Variants in RBL1 observed in about 807,000 individuals in gnomAD.
RBL1 encodes retinoblastoma-like protein 1.
In RBL1, 82 loss-of-function variants were observed where a neutral mutation model predicts 123.0. The observed-to-expected ratio is 0.67, with a 90% CI of 0.56 to 0.80. RBL1 has a LOEUF of 0.80. Among genes scored for constraint, RBL1 ranks in the 30% least tolerant of loss-of-function variants. RBL1 has a pLI of 0.00. For synonymous variants in RBL1, 405 were observed against 441.3 expected, an observed-to-expected ratio of 0.92 and a Z score of 1.03; for missense variants, 1,171 against 1,299.6, an observed-to-expected ratio of 0.90 and a Z score of 1.52.
chr20:37,064,424 T>C (rs2065146521), intron 7 of RBL1, among the ~76,000 whole-genome samples: 2 of 151,736 alleles, frequency 1.3e-5, no homozygotes, highest in Non-Finnish European at 2.9e-5. Flanking sequence ...GCATAAGCCA[T>C]TGCACGCCTG....
chr20:37,012,545 A>G (rs1430045932), intron 19 of RBL1, among the ~76,000 whole-genome samples: 98 of 88,086 alleles, frequency 1.1e-3, no homozygotes, highest in South Asian at 3.0e-3. Flanking sequence ...GAGCGCCTCT[A>G]CCCGGCCGCG....
In RBL1 at chr20:37,003,765, C is replaced by T. The variant is rs1318227101; in HGVS notation, c.2973G>A (p.Lys991=). ...QQHSIYISPH[K]NGSGLTPRSA... ...TTCTTGGTGTAAGGCCTGACCCATT[C>T]TTGTGCGGGGAAATATAAATGGAGT... Residue 991 remains lysine, a synonymous_variant, in exon 21 of 22, where the codon AAG becomes AAA. Transcript: ENST00000373664. 1.9e-6 allele frequency: 3 copies of T among 1,614,006 alleles called. No individual in the cohort carries two copies. The South Asian group carries it at 3.3e-5, about 18-fold the overall frequency.
chr20:37,000,263 T>C (rs1243562314), intron 21 of RBL1, among the ~76,000 whole-genome samples: 20 of 131,762 alleles, frequency 1.5e-4, no homozygotes, highest in South Asian at 7.6e-4. Flanking sequence ...CGGCAGCCAC[T>C]CCGTCTGGGA....
chr20:37,010,397 A>G (rs1020965418), intron 19 of RBL1, among the ~76,000 whole-genome samples: 7 of 152,222 alleles, frequency 4.6e-5, no homozygotes, highest in Non-Finnish European at 5.9e-5. Context: ...AATATTATAT[A>G]TATGCATATA....
intron 9 of RBL1, among the ~76,000 whole-genome samples, chr20:37,060,514 G>A (rs140567167): frequency 0.011 from 1,601 of 152,062 alleles, 24 homozygotes; most frequent in African/African-American, 0.037. Context: ...GCCTGGCATG[G>A]TCGCTCATGC....
intron 15 of RBL1, among the ~76,000 whole-genome samples, chr20:37,034,944 C>T (rs1050512029): frequency 6.6e-6 from 1 of 151,858 alleles, no homozygotes; most frequent in African/African-American, 2.4e-5. Flanking sequence ...GGTAATGTGT[C>T]AGTAATGTAG....
intron 19 of RBL1, among the ~76,000 whole-genome samples, chr20:37,013,269 C>G (rs6103212): frequency 1.3e-5 from 2 of 151,904 alleles, no homozygotes; most frequent in Admixed American, 6.6e-5. Context: ...CCTTGGGATC[C>G]TGTTGATCTG....
chr20:37,034,370 AAAAG>A (rs1248405604), intron 15 of RBL1, among the ~76,000 whole-genome samples: 5 of 152,102 alleles, frequency 3.3e-5, no homozygotes, highest in African/African-American at 9.7e-5. Flanking sequence ...TATTGGAAAA[AAAAG>A]CATTTTTTTT....
intron 11 of RBL1, among the ~76,000 whole-genome samples, chr20:37,051,572 A>C (rs764553957): frequency 2.6e-5 from 4 of 152,148 alleles, no homozygotes; most frequent in Non-Finnish European, 5.9e-5. Context: ...TTAAAAAGGG[A>C]CTTTAAGTGA....
At chr20:37,003,100 A>C (rs544501360) in intron 21 of RBL1, among the ~76,000 whole-genome samples, 14 of 152,306 alleles carry the variant, frequency 9.2e-5, no homozygotes, top group South Asian at 4.1e-4. Flanking sequence ...TAGGAAAGTA[A>C]TAAGAAGGAG....
chr20:37,068,297 C>A, intron 2 of RBL1, 111 bp from the exon 3 acceptor site: 1 of 1,404,640 alleles, frequency 7.1e-7, no homozygotes, highest in Non-Finnish European at 9.4e-7. Flanking sequence ...AGCCAGATTT[C>A]CCAGGCAACA....
In RBL1 at chr20:36,998,183, T is replaced by G. The variant is rs1385884279; in HGVS notation, c.*576A>C. 6.6e-6 allele frequency: 1 copy of G among 152,000 alleles called. No homozygotes were observed. Among genetic ancestry groups the G allele is most frequent in the Non-Finnish European group, 1.5e-5 (1 of 68,000 alleles). The allele number at this position is 152,000 out of a possible 1,614,324, so 9.4% of individuals were successfully genotyped here. A position where few individuals can be genotyped will look rare whatever the true frequency, so the allele number is the denominator to read the frequency against. ...TATGGGGTTTCTCCTTATTTCATCT[T>G]GAAAACTCAAGGAGCAAACATTAAA... On this transcript the variant is annotated 3_prime_UTR_variant, in exon 22 of 22. Coordinates refer to ENST00000373664, the MANE Select transcript of RBL1 (RefSeq NM_002895.5).
intron 13 of RBL1, among the ~76,000 whole-genome samples, chr20:37,041,859 A>G (rs1449264217): frequency 6.6e-6 from 1 of 151,952 alleles, no homozygotes; most frequent in Admixed American, 6.6e-5. Context: ...CTGTAATCCC[A>G]GCACTTTGGA....
rs953219498 is a variant in RBL1 at position 37,047,053 on chromosome 20, C to G, written c.1605G>C (p.Lys535Asn). Reference protein sequence around the residue: ...VLNLQPFYFYKVIEVVIRSEE... With the variant: ...VLNLQPFYFYNVIEVVIRSEE... ...TAACAGAACTTTGTTTTCATCTCAC[C>G]TTATAAAAGTAAAATGGTTGCAAGT... Residue 535 changes from lysine (K) to asparagine (N), a missense_variant and splice_region_variant, in exon 12 of 22, where the codon AAG becomes AAC. Coordinates refer to ENST00000373664, the MANE Select transcript of RBL1 (RefSeq NM_002895.5). The G allele has an allele frequency of 3.2e-6, 5 of 1,580,424 alleles. No individual in the cohort carries two copies. The highest frequency in any genetic ancestry group is 4.3e-6 in the Non-Finnish European group (5 of 1,172,076).
intron 1 of RBL1, among the ~76,000 whole-genome samples, chr20:37,095,389 C>G (rs1173782012): frequency 1.3e-5 from 2 of 152,188 alleles, no homozygotes; most frequent in Non-Finnish European, 2.9e-5. Flanking sequence ...TCAGACGGAA[C>G]TGAGGGTCCA....
At chr20:37,028,117 C>T (rs2064453813) in intron 16 of RBL1, among the ~76,000 whole-genome samples, 1 of 152,102 alleles carries the variant, frequency 6.6e-6, no homozygotes, top group African/African-American at 2.4e-5. Flanking sequence ...GTAATCCCAG[C>T]ACTTTGGGAG....
rs576660570 is a variant in RBL1 at position 37,007,265 on chromosome 20, A to T, written c.2871+146T>A. The T allele has an allele frequency of 1.3e-5, 11 of 834,998 alleles. No individual in the cohort carries two copies. In the African/African-American group the frequency reaches 1.9e-4, roughly 14 times the overall value. The allele number at this position is 834,998 out of a possible 1,614,324, so 51.7% of individuals were successfully genotyped here. A position where few individuals can be genotyped will look rare whatever the true frequency, so the allele number is the denominator to read the frequency against. On this transcript the variant is annotated intron_variant, in intron 20 of 21. Transcript: ENST00000373664. ...GATTTCCTCTGGTCTCTGTTGTACC[A>T]TAGCCTTAATCACTGATTAAGTTAC...
In RBL1 at chr20:36,999,638, C is replaced by T. The variant is rs939308565; in HGVS notation, c.3037-709G>A. 5.3e-5 allele frequency among the ~76,000 whole-genome samples: 8 copies of T among 151,870 alleles called. 1 individual carries two copies. In the South Asian group the frequency reaches 6.2e-4, roughly 12 times the overall value. On this transcript the variant is annotated intron_variant, in intron 21 of 21. Transcript: ENST00000373664. ...TGCCGAGTGCCTGCGATTGCAGGCA[C>T]GCGCCGCCACGCCTGACTGGTTTTC...
At chr20:37,057,009 C>CTACA (rs2065021785) in intron 9 of RBL1, among the ~76,000 whole-genome samples, 1 of 108,700 alleles carries the variant, frequency 9.2e-6, no homozygotes, top group Non-Finnish European at 2.1e-5. Context: ...ATCTATCTAC[C>CTACA]TACCTACCTA....
Sources: allele counts gnomAD v4.1 joint callset (sites outside exome capture counted in the v4.1 genomes callset), GRCh38; gene constraint gnomAD v4.1.1; transcripts MANE v1.5; gene names NCBI Gene and HGNC (gene_info 2026-07-23, HGNC 2026-07-21).